Variants in ZNF451 observed in about 807,000 individuals in gnomAD.
The protein encoded by ZNF451 is zinc finger protein 451.
ZNF451 carries 80 observed loss-of-function variants against 107.1 expected under a neutral mutation model. The ratio of observed to expected loss-of-function variants is 0.75; its 90% confidence interval spans 0.62 to 0.90. ZNF451 has a LOEUF of 0.90. ZNF451 is among the 40% of genes least tolerant of loss of function. The pLI, the probability that ZNF451 is intolerant of heterozygous loss-of-function variation, is 0.00. For synonymous variants in ZNF451, 362 were observed against 406.5 expected (o/e 0.89, Z 1.32); for missense variants, 1,107 against 1,236.2 (o/e 0.90, Z 1.57).
chr6:57,168,288 C>A, intron 14 of ZNF451, 135 bp from the exon 15 acceptor site: 1 of 572,656 alleles, frequency 1.7e-6, no homozygotes. Context: ...AGAGAAACTG[C>A]CAAGTTATCC....
At chr6:57,105,741 T>G (rs1201775195) in intron 3 of ZNF451, 1 of 985,398 alleles carries the variant, frequency 1.0e-6, no homozygotes, top group Non-Finnish European at 1.2e-6. Flanking sequence ...TTCTTAGCCA[T>G]GATAACACAA....
chr6:57,155,193 C>CA (rs375054002), intron 13 of ZNF451, among the ~76,000 whole-genome samples: 10 of 151,048 alleles, frequency 6.6e-5, no homozygotes, highest in Non-Finnish European at 1.0e-4. Context: ...AACAAAAAAA[C>CA]AAAAAAAACA....
At chr6:57,161,004 T>A in intron 13 of ZNF451, 80 bp from the exon 14 acceptor site, 1 of 842,060 alleles carries the variant, frequency 1.2e-6, no homozygotes, top group Admixed American at 2.8e-5. Context: ...TAAGCTTGGG[T>A]ATGAGCAGTT....
intron 9 of ZNF451, 40 bp downstream of exon 9, chr6:57,142,135 T>C (rs2273921): frequency 0.22 from 342,642 of 1,528,896 alleles, 40,373 homozygotes; most frequent in African/African-American, 0.35. Context: ...TACGGATGAG[T>C]GTTTGCCAGT....
chr6:57,134,910 A>G (rs1413443916), intron 7 of ZNF451, 40 bp downstream of exon 7: 2 of 1,558,264 alleles, frequency 1.3e-6, no homozygotes, highest in African/African-American at 1.4e-5. Flanking sequence ...ATTTTTCTAG[A>G]TAGCCATGGA....
chr6:57,140,633 A>G (rs2127973581), intron 7 of ZNF451, among the ~76,000 whole-genome samples: 1 of 152,190 alleles, frequency 6.6e-6, no homozygotes, highest in African/African-American at 2.4e-5. Flanking sequence ...TGTTTACAAG[A>G]TCATTATTTC....
At chr6:57,116,965 C>T (rs984173138) in intron 3 of ZNF451, 2 of 151,844 alleles carry the variant, frequency 1.3e-5, no homozygotes, top group Admixed American at 6.6e-5. Context: ...AAGAAACTTT[C>T]TCCTCACAGG....
At chr6:57,111,404 G>C (rs529097480) in intron 3 of ZNF451, among the ~76,000 whole-genome samples, 1 of 149,256 alleles carries the variant, frequency 6.7e-6, no homozygotes, top group African/African-American at 2.5e-5. Context: ...TTCTTGAGAC[G>C]GAGTCTCACT....
intron 13 of ZNF451, among the ~76,000 whole-genome samples, chr6:57,159,699 T>C (rs1380432105): frequency 6.6e-6 from 1 of 152,174 alleles, no homozygotes. Flanking sequence ...AAATGTAATG[T>C]TTTATTTACC....
chr6:57,134,852 A>C lies in ZNF451; in HGVS notation c.684A>C (p.Arg228Ser). The C allele has an allele frequency of 6.2e-7, 1 of 1,607,400 alleles. No homozygotes were observed. The highest frequency in any genetic ancestry group is 8.5e-7 in the Non-Finnish European group (1 of 1,175,708). ...YKKFVTQQQY[R>S]DHLFDKEATD... ...AATTTGTTACTCAACAACAATATAG[A>C]GATCACCTTTTTGATAAGGTAAGAG... The change falls in exon 7 of 15, where the codon AGA (arginine) becomes AGC (serine). Residue 228 changes from arginine (R) to serine (S), a missense_variant. By Grantham distance (110) the Arg-to-Ser change is moderately radical (BLOSUM62 -1). This residue lies in a region of ZNF451 where 339 missense variants were observed against 372.8 expected (regional missense o/e 0.91). Coordinates refer to ENST00000370706, the MANE Select transcript of ZNF451 (RefSeq NM_001031623.3).
chr6:57,160,379 G>T (rs934013732), intron 13 of ZNF451, among the ~76,000 whole-genome samples: 5 of 151,792 alleles, frequency 3.3e-5, no homozygotes, highest in Non-Finnish European at 5.9e-5. Context: ...TGTCACTCAG[G>T]TTGGAATGCA....
intron 7 of ZNF451, among the ~76,000 whole-genome samples, chr6:57,135,393 G>A (rs532326089): frequency 2.6e-5 from 4 of 152,186 alleles, no homozygotes; most frequent in African/African-American, 9.6e-5. Flanking sequence ...ATATTTGATA[G>A]TAGATAACTT....
chr6:57,108,842 G>T (rs1562595435), intron 3 of ZNF451: 2 of 985,358 alleles, frequency 2.0e-6, no homozygotes, highest in Non-Finnish European at 2.4e-6. Context: ...TTCTTATTTT[G>T]CAGAAGAAGA....
intron 2 of ZNF451, chr6:57,093,039 A>T (rs1562583316): frequency 1.3e-5 from 2 of 152,144 alleles, no homozygotes. Context: ...CATAACAAAA[A>T]CTTCTTATTT....
chr6:57,122,487 G>A (rs1358181531), intron 3 of ZNF451, among the ~76,000 whole-genome samples: 5 of 152,088 alleles, frequency 3.3e-5, no homozygotes, highest in Non-Finnish European at 7.4e-5. Flanking sequence ...ACCTGACAAA[G>A]GACTAATATC....
chr6:57,152,784 G>A (rs1053624802), intron 12 of ZNF451, among the ~76,000 whole-genome samples: 1 of 152,062 alleles, frequency 6.6e-6, no homozygotes, highest in Non-Finnish European at 1.5e-5. Context: ...AGTAGAGACG[G>A]GGTTTCTCCA....
Position 57,147,965 on chromosome 6 carries a change from C to CT in ZNF451, c.1883dup (p.Leu628PhefsTer8). The CT allele has an allele frequency of 1.2e-6, 2 of 1,614,058 alleles. No homozygotes were observed. Among genetic ancestry groups the CT allele is most frequent in the Non-Finnish European group, 1.7e-6 (2 of 1,179,974 alleles). ...GAATATGTAAAACAGCACTGCATGT[C>CT]TTTGGCAAGCCACAAGTTTCATAGA... On this transcript the variant is annotated frameshift_variant, in exon 10 of 15. Coordinates refer to ENST00000370706, the MANE Select transcript of ZNF451 (RefSeq NM_001031623.3). LOFTEE classifies it high-confidence loss of function.
intron 14 of ZNF451, 57 bp from the exon 15 acceptor site, chr6:57,168,366 A>T: frequency 8.3e-7 from 1 of 1,202,742 alleles, no homozygotes; most frequent in Non-Finnish European, 1.2e-6. Flanking sequence ...TTAAATAAAT[A>T]CAGCACATGT....
intron 7 of ZNF451, among the ~76,000 whole-genome samples, chr6:57,137,132 C>T (rs990763590): frequency 3.5e-4 from 54 of 152,142 alleles, no homozygotes; most frequent in African/African-American, 1.3e-3. Flanking sequence ...ATTGCTTATT[C>T]CTTGACATTT....
Sources: gnomAD v4.1 joint callset for allele counts (sites outside exome capture counted in the v4.1 genomes callset) on GRCh38, gnomAD v4.1.1 for gene constraint, gnomAD v4.1.1 regional missense constraint, MANE v1.5 for transcripts, NCBI Gene and HGNC (gene_info 2026-07-23, HGNC 2026-07-21) for gene names.